Variants in PCCA observed in about 807,000 individuals in gnomAD.
The protein encoded by PCCA is propionyl-CoA carboxylase subunit alpha.
In PCCA, 74 loss-of-function variants were observed where a neutral mutation model predicts 101.3. That is an observed-to-expected ratio of 0.73 (90% CI 0.61 to 0.89). The LOEUF (loss-of-function observed/expected upper bound fraction) is 0.89. Among genes scored for constraint, PCCA ranks in the 40% least tolerant of loss-of-function variants. The probability of loss-of-function intolerance (pLI) is 0.00; values close to 1 mark genes in which losing one functional copy is unlikely to be tolerated. For missense variants in PCCA, 891 were observed against 907.0 expected (o/e 0.98, Z 0.23); for synonymous variants, 294 against 313.6 (o/e 0.94, Z 0.66).
At chr13:100,235,274 A>T in intron 7 of PCCA, among the ~76,000 whole-genome samples, 1 of 142,574 alleles carries the variant, frequency 7.0e-6, no homozygotes, top group African/African-American at 2.7e-5. Context: ...TAAAATATGT[A>T]CCTGAAAAAA....
intron 21 of PCCA, among the ~76,000 whole-genome samples, chr13:100,454,279 A>C (rs1055159678): frequency 6.6e-6 from 1 of 152,198 alleles, no homozygotes; most frequent in Admixed American, 6.5e-5. Context: ...CTGTTTATAC[A>C]GTTTATACCT....
At position 100,505,419 on chromosome 13, in the gene PCCA, C is replaced by T. The variant is rs76313896; in HGVS notation, c.1900-10008C>T. On this transcript the variant is annotated intron_variant, in intron 21 of 23. Coordinates refer to ENST00000376285, the MANE Select transcript of PCCA (RefSeq NM_000282.4). ...GCATGCCTGGGAACCTCTCTGAACACGGAATCAACTTCCTTTCTTTGATTT... is the reference window on the plus strand; with the variant it reads ...GCATGCCTGGGAACCTCTCTGAACATGGAATCAACTTCCTTTCTTTGATTT... Among the ~76,000 whole-genome samples the T allele has an allele frequency of 6.9e-3, 1,058 of 152,276 alleles. 11 individuals carry two copies. Among genetic ancestry groups the T allele is most frequent in the African/African-American group, 0.024 (999 of 41,568 alleles).
intron 22 of PCCA, among the ~76,000 whole-genome samples, chr13:100,523,711 A>T (rs1477897663): frequency 6.6e-6 from 1 of 152,196 alleles, no homozygotes; most frequent in Non-Finnish European, 1.5e-5. Flanking sequence ...AGCTGGATGA[A>T]AGATACAGGA....
chr13:100,211,153 A>G (rs1293534143), intron 7 of PCCA, among the ~76,000 whole-genome samples: 3 of 152,206 alleles, frequency 2.0e-5, no homozygotes, highest in Non-Finnish European at 4.4e-5. Context: ...GGATGTGGTG[A>G]TGAGATACAC....
intron 1 of PCCA, among the ~76,000 whole-genome samples, chr13:100,094,228 C>CAAAAA (rs1219610982): frequency 1.9e-5 from 1 of 54,016 alleles, no homozygotes; most frequent in Non-Finnish European, 3.8e-5. Flanking sequence ...AAATCTGTCT[C>CAAAAA]AAAAAAAAAA....
intron 18 of PCCA, among the ~76,000 whole-genome samples, chr13:100,367,809 T>G (rs1488698257): frequency 6.6e-6 from 1 of 151,500 alleles, no homozygotes; most frequent in East Asian, 1.9e-4. Context: ...ATACTAAAAA[T>G]TAGCCGCGTG....
intron 6 of PCCA, among the ~76,000 whole-genome samples, chr13:100,206,064 A>AT (rs139750143): frequency 6.4e-4 from 97 of 150,596 alleles, no homozygotes; most frequent in Admixed American, 1.3e-3. Context: ...TTTGCATAAG[A>AT]TTTTTTTTTT....
chr13:100,177,262 G>A (rs2056326224), intron 6 of PCCA, among the ~76,000 whole-genome samples: 1 of 152,186 alleles, frequency 6.6e-6, no homozygotes, highest in Non-Finnish European at 1.5e-5. Context: ...GTGTTAAAAT[G>A]TTGATTAATC....
intron 18 of PCCA, 81 bp downstream of exon 18, chr13:100,340,340 A>AT (rs1438324167): frequency 1.3e-6 from 1 of 792,756 alleles, no homozygotes; most frequent in African/African-American, 1.7e-5. Flanking sequence ...CTAATAAAAG[A>AT]TGTGGCTGAT....
At chr13:100,170,496 T>A (rs1384223434) in intron 6 of PCCA, among the ~76,000 whole-genome samples, 1 of 152,232 alleles carries the variant, frequency 6.6e-6, no homozygotes, top group East Asian at 1.9e-4. Flanking sequence ...ACAATGTTCC[T>A]AAGTTACCAT....
At chr13:100,160,341 A>G (rs967568514) in intron 6 of PCCA, among the ~76,000 whole-genome samples, 3 of 151,966 alleles carry the variant, frequency 2.0e-5, no homozygotes, top group Non-Finnish European at 4.4e-5. Context: ...CATCTCTACT[A>G]AAAACATAAA....
chr13:100,337,205 A>G (rs2070621394), intron 17 of PCCA, among the ~76,000 whole-genome samples: 1 of 152,234 alleles, frequency 6.6e-6, no homozygotes, highest in African/African-American at 2.4e-5. Flanking sequence ...CCAGCAGGTT[A>G]GCAGGCAGCA....
intron 6 of PCCA, among the ~76,000 whole-genome samples, chr13:100,181,890 G>C (rs1011374644): frequency 6.9e-6 from 1 of 144,916 alleles, no homozygotes; most frequent in African/African-American, 2.6e-5. Context: ...TCAGCCTCCT[G>C]AGTAGCTGGG....
At chr13:100,444,701 A>G (rs2080676561) in intron 20 of PCCA, among the ~76,000 whole-genome samples, 1 of 152,042 alleles carries the variant, frequency 6.6e-6, no homozygotes, top group African/African-American at 2.4e-5. Flanking sequence ...TTGGCCTCCC[A>G]AAGTGCTGGG....
At chr13:100,224,231 G>C (rs904619616) in intron 7 of PCCA, among the ~76,000 whole-genome samples, 1 of 152,238 alleles carries the variant, frequency 6.6e-6, no homozygotes, top group Non-Finnish European at 1.5e-5. Flanking sequence ...GAAATCGAGC[G>C]CAGTGCTGGT....
At chr13:100,149,150 T>C (rs2052967138) in intron 4 of PCCA, 1 of 144,526 alleles carries the variant, frequency 6.9e-6, no homozygotes, top group Admixed American at 7.1e-5. Flanking sequence ...TAGGATTTTA[T>C]CTGGTTGTTT....
intron 18 of PCCA, among the ~76,000 whole-genome samples, chr13:100,359,096 C>CAA (rs35233154): frequency 0.24 from 25,208 of 103,602 alleles, 3,542 homozygotes; most frequent in Non-Finnish European, 0.27. Context: ...CAAGACTCCT[C>CAA]AAAAAAAAAA....
chr13:100,277,774 C>G (rs531732468), intron 12 of PCCA, among the ~76,000 whole-genome samples: 1 of 152,038 alleles, frequency 6.6e-6, no homozygotes, highest in Non-Finnish European at 1.5e-5. Context: ...AAGAGTATAC[C>G]CTAGAAGGAG....
At chr13:100,525,354 C>T (rs1170846912) in intron 22 of PCCA, among the ~76,000 whole-genome samples, 1 of 152,234 alleles carries the variant, frequency 6.6e-6, no homozygotes, top group Non-Finnish European at 1.5e-5. Context: ...GGGGACCCAG[C>T]ACTTGCAGTT....
Sources: gnomAD v4.1 joint callset for allele counts (sites outside exome capture counted in the v4.1 genomes callset) on GRCh38, gnomAD v4.1.1 for gene constraint, MANE v1.5 for transcripts, NCBI Gene and HGNC (gene_info 2026-07-23, HGNC 2026-07-21) for gene names.